Variants in NEU4 observed in about 807,000 individuals in gnomAD.
The protein encoded by NEU4 is sialidase-4.
Under a neutral mutation model 9.9 loss-of-function variants are expected in NEU4, and 7 were observed. The observed-to-expected ratio is 0.71, with a 90% CI of 0.40 to 1.33. NEU4 has a LOEUF of 1.33. NEU4 is among the 40% of genes most tolerant of loss of function. The pLI, the probability that NEU4 is intolerant of heterozygous loss-of-function variation, is 0.01. For synonymous variants in NEU4, 348 were observed against 316.9 expected (o/e 1.10, Z -1.04); for missense variants, 717 against 712.6 (o/e 1.01, Z -0.07).
At position 241,816,828 on chromosome 2, in the gene NEU4, TCTACGAGGGCCCCAGCGG is replaced by T. The variant is rs1559433150; in HGVS notation, c.1240_1257del (p.Glu414_Tyr419del). 6.2e-7 allele frequency: 1 copy of T among 1,609,968 alleles called. No homozygotes were observed. The highest frequency in any genetic ancestry group is 1.1e-5 in the South Asian group (1 of 90,572). ...CGCAGCTGGACAGAGCCCTGGGTGA[TCTACGAGGGCCCCAGCGG>T]CTACTCCGACCTGGCGTCCATCGGG... On this transcript the variant is annotated inframe_deletion, in exon 4 of 4. Coordinates refer to ENST00000407683, the MANE Select transcript of NEU4 (RefSeq NM_001167600.3).
chr2:241,815,181 G>C (rs777564959), intron 3 of NEU4, 34 bp downstream of exon 3: 26 of 1,505,328 alleles, frequency 1.7e-5, no homozygotes, highest in Non-Finnish European at 2.0e-5. Flanking sequence ...GGGTCCCTTT[G>C]ATTGGCCACG....
At chr2:241,815,280 CA>C in intron 3 of NEU4, 133 bp downstream of exon 3, 3 of 1,223,646 alleles carry the variant, frequency 2.5e-6, no homozygotes, top group Non-Finnish European at 3.3e-6. Context: ...TCCCTTTCCC[CA>C]GGACTGTTCT....
chr2:241,813,256 G>A (rs755785612), intron 1 of NEU4: 21 of 942,494 alleles, frequency 2.2e-5, no homozygotes, highest in African/African-American at 8.9e-5. Context: ...ATGGGTCCCC[G>A]TCGTAGGCAG....
At chr2:241,811,556 G>A (rs1396673384) in intron 1 of NEU4, 29 of 1,148,950 alleles carry the variant, frequency 2.5e-5, no homozygotes, top group Middle Eastern at 5.6e-4. Context: ...CCAGCTGGCC[G>A]CCCCCTCTGT....
At position 241,814,963 on chromosome 2, in the gene NEU4, C is replaced by T. The variant is rs199615875; in HGVS notation, c.273C>T (p.His91=). ...GGTCCATGAACCCCTGCCCTGTGCACGATGCTGGCACGGGCACCGTCTTCC... is the reference window on the plus strand; with the variant it reads ...GGTCCATGAACCCCTGCCCTGTGCATGATGCTGGCACGGGCACCGTCTTCC... The part of the protein sequence containing the change: ...EHRSMNPCPV[H]DAGTGTVFLF... The change falls in exon 3 of 4, where the codon CAC becomes CAT. Residue 91 remains histidine, a synonymous_variant. Coordinates refer to ENST00000407683, the MANE Select transcript of NEU4 (RefSeq NM_001167600.3). 12 of 1,611,590 alleles carry T rather than the reference C, an allele frequency of 7.4e-6. No individual in the cohort carries two copies. The highest frequency in any genetic ancestry group is 4.0e-5 in the African/African-American group (3 of 75,038).
In NEU4 at chr2:241,816,129, A is replaced by G. The variant is rs1302823106; in HGVS notation, c.536A>G (p.Tyr179Cys). The change falls in exon 4 of 4, where the codon TAC (tyrosine) becomes TGC (cysteine). Residue 179 changes from tyrosine (Y) to cysteine (C), a missense_variant. By Grantham distance (194) the Tyr-to-Cys change is radical (BLOSUM62 -2). Transcript: ENST00000407683. ...CGCCTGCTGGTACCCGCCTACACCT[A>G]CCGCGTGGACCGCCGAGAGTGTTTT... ...SGRLLVPAYTYRVDRRECFGK... is the reference protein window; with the variant it reads ...SGRLLVPAYTCRVDRRECFGK... 3 of 1,611,388 alleles carry G rather than the reference A, an allele frequency of 1.9e-6. No individual in the cohort carries two copies. The highest frequency in any genetic ancestry group is 2.7e-5 in the African/African-American group (2 of 74,816).
chr2:241,817,256 G>A lies in NEU4; in HGVS notation c.*208G>A, dbSNP rs540526635. The A allele has an allele frequency of 7.7e-6, 4 of 518,286 alleles. No individual in the cohort carries two copies. Among genetic ancestry groups the A allele is most frequent in the African/African-American group, 3.9e-5 (2 of 51,438 alleles). The allele number at this position is 518,286 out of a possible 1,614,324, so 32.1% of individuals were successfully genotyped here. On this transcript the variant is annotated 3_prime_UTR_variant, in exon 4 of 4. Transcript: ENST00000407683. ...GTGAGCAGGGCAGGGTGGGGGCAGG[G>A]TGGGGGCACGAAGTGGGCCCTGGGT... is the stretch of plus-strand genomic sequence containing the variant.
At position 241,817,165 on chromosome 2, in the gene NEU4, A is replaced by G; in HGVS notation, c.*117A>G. On this transcript the variant is annotated 3_prime_UTR_variant, in exon 4 of 4. Transcript: ENST00000407683. ...CTTAGTGCAGGATCCTGTGGATTAGAAACAAGTTGCTCCTCAGAGCTCTCA... is the reference window on the plus strand; with the variant it reads ...CTTAGTGCAGGATCCTGTGGATTAGGAACAAGTTGCTCCTCAGAGCTCTCA... The G allele has an allele frequency of 8.5e-7, 1 of 1,171,918 alleles. No homozygotes were observed. The highest frequency in any genetic ancestry group is 1.6e-5 in the African/African-American group (1 of 64,466). The allele number at this position is 1,171,918 out of a possible 1,614,324, so 72.6% of individuals were successfully genotyped here.
chr2:241,815,171 G>C (rs1274211816), intron 3 of NEU4, 24 bp downstream of exon 3: 2 of 1,512,362 alleles, frequency 1.3e-6, no homozygotes, highest in Admixed American at 2.0e-5. Context: ...GTGCCGGTCT[G>C]GGTCCCTTTG....
rs1338791903 is a variant in NEU4, at chr2:241,816,778, C to T, written c.1185C>T (p.Arg395=). ...GRRARLHMGI[R]LSQSPLDPRS... ...GGGCTCGGCTACACATGGGTATCCG[C>T]CTGAGCCAGTCCCCGCTGGACCCGC... Residue 395 remains arginine, a synonymous_variant, in exon 4 of 4, where the codon CGC becomes CGT. Coordinates refer to ENST00000407683, the MANE Select transcript of NEU4 (RefSeq NM_001167600.3). The T allele has an allele frequency of 6.3e-7, 1 of 1,589,528 alleles. No homozygotes were observed. Among genetic ancestry groups the T allele is most frequent in the South Asian group, 1.1e-5 (1 of 88,046 alleles).
rs1389698855 is a variant in NEU4, at chr2:241,811,548, A to G, written c.-4+2274A>G. The stretch of plus-strand genomic sequence containing the variant: ...GGACCCGCTCCTGAGGTATCTGTCC[A>G]GCTGGCCGCCCCCTCTGTCTGGGGG... On this transcript the variant is annotated intron_variant, in intron 1 of 3. Coordinates refer to ENST00000407683, the MANE Select transcript of NEU4 (RefSeq NM_001167600.3). 3 of 1,214,354 alleles carry G rather than the reference A, an allele frequency of 2.5e-6. No individual in the cohort carries two copies. In the Admixed American group the frequency reaches 1.0e-4, roughly 41 times the overall value. 75.2% of individuals were successfully genotyped at this position (1,214,354 alleles called of 1,614,324 possible).
downstream of NEU4, chr2:241,817,413 G>GGT (rs1700393358): frequency 3.2e-6 from 1 of 312,014 alleles, no homozygotes; most frequent in Non-Finnish European, 5.9e-6. Flanking sequence ...CTTGTGTCGG[G>GGT]GTAGACGTTT....
In NEU4 at chr2:241,811,779, G is replaced by A. The variant is rs1054951665; in HGVS notation, c.-4+2505G>A. ...GGCATGGGATGGAGACAGACTGGTT[G>A]TGAGGGGCCCAATGCAGGGGGCCGG... is the stretch of plus-strand genomic sequence containing the variant. On this transcript the variant is annotated intron_variant, in intron 1 of 3. Coordinates refer to ENST00000407683, the MANE Select transcript of NEU4 (RefSeq NM_001167600.3). The A allele has an allele frequency of 2.1e-5, 7 of 337,920 alleles. No homozygotes were observed. In the East Asian group the frequency reaches 2.2e-4, roughly 11 times the overall value. 20.9% of individuals were successfully genotyped at this position (337,920 alleles called of 1,614,324 possible).
chr2:241,813,309 C>A, intron 1 of NEU4: 1 of 1,036,886 alleles, frequency 9.6e-7, no homozygotes, highest in Non-Finnish European at 1.2e-6. Flanking sequence ...ATCCGGCCAT[C>A]TCCCTCCTCC....
rs376953155 is a variant in NEU4, at chr2:241,816,874, G to C, written c.1281G>C (p.Pro427=). The change falls in exon 4 of 4, where the codon CCG becomes CCC. Residue 427 remains proline (P), a synonymous_variant. Transcript: ENST00000407683. ...ACTCCGACCTGGCGTCCATCGGGCC[G>C]GCCCCTGAGGGGGGCCTGGTTTTTG... ...SGYSDLASIG[P]APEGGLVFAC... The C allele has an allele frequency of 1.2e-6, 2 of 1,612,452 alleles. No individual in the cohort carries two copies. Among genetic ancestry groups the C allele is most frequent in the African/African-American group, 2.7e-5 (2 of 74,932 alleles).
chr2:241,811,271 C>T (rs1700104638), intron 1 of NEU4: 4 of 1,269,520 alleles, frequency 3.2e-6, no homozygotes, highest in Non-Finnish European at 3.0e-6. Flanking sequence ...CCTGGGTGCC[C>T]ATCTGCACCC....
At chr2:241,816,005 C>T (rs952100140) in intron 3 of NEU4, 46 bp from the exon 4 acceptor site, 10 of 1,519,368 alleles carry the variant, frequency 6.6e-6, no homozygotes, top group Non-Finnish European at 8.8e-6. Context: ...GCCCCCCGAC[C>T]TCGGGGACCC....
intron 3 of NEU4, 160 bp downstream of exon 3, chr2:241,815,307 G>GACAAATCCCTCTCCCCA: frequency 9.4e-7 from 1 of 1,060,968 alleles, no homozygotes; most frequent in Non-Finnish European, 1.3e-6. Context: ...TCCCGTCCCA[G>GACAAATCCCTCTCCCCA]GCAAATCCCT....
chr2:241,815,453 C>G (rs1259567343), intron 3 of NEU4: 1 of 311,420 alleles, frequency 3.2e-6, no homozygotes, highest in Admixed American at 4.1e-5. Flanking sequence ...GGGTATTGAT[C>G]ACCCCCAGTC....
Sources: gnomAD v4.1 joint callset for allele counts on GRCh38, gnomAD v4.1.1 for gene constraint, MANE v1.5 for transcripts, NCBI Gene and HGNC (gene_info 2026-07-23, HGNC 2026-07-21) for gene names.